NPAS2: variants seen among roughly 807,000 people sequenced by gnomAD.
NPAS2 encodes neuronal PAS domain protein 2.
Under a neutral mutation model 107.5 loss-of-function variants are expected in NPAS2, and 23 were observed. The ratio of observed to expected loss-of-function variants is 0.21; its 90% CI spans 0.15 to 0.30. The LOEUF (loss-of-function observed/expected upper bound fraction) is 0.30, where lower values mean the gene tolerates loss of function less well. Ranked by LOEUF, NPAS2 falls within the 10% of genes least tolerant of loss-of-function variation. The probability of loss-of-function intolerance (pLI) is 1.00; values close to 1 mark genes in which losing one functional copy is unlikely to be tolerated. For missense variants in NPAS2, 756 were observed against 1,043.3 expected (o/e 0.72, Z 3.79); for synonymous variants, 403 against 417.5 (o/e 0.97, Z 0.42).
At chr2:100,909,266 T>C (rs1466077942) in intron 2 of NPAS2, among the ~76,000 whole-genome samples, 1 of 152,174 alleles carries the variant, frequency 6.6e-6, no homozygotes, top group African/African-American at 2.4e-5. Context: ...TAGAGATGCA[T>C]TCATGAAAAT....
chr2:100,943,393 C>G (rs1206510397), intron 5 of NPAS2, among the ~76,000 whole-genome samples: 2 of 152,170 alleles, frequency 1.3e-5, no homozygotes, highest in African/African-American at 2.4e-5. Context: ...TGGGTTTTTT[C>G]TTGCAATTAT....
In NPAS2 at chr2:100,937,855, T is replaced by C; in HGVS notation, c.363+13T>C. On this transcript the variant is annotated intron_variant, in intron 5 of 20. Coordinates refer to ENST00000335681, the MANE Select transcript of NPAS2 (RefSeq NM_002518.4). ...TGGGCATTTACCGGTGAGTTTCCAC[T>C]CCAATGGCCTTTACCGGTTCACGTT... The C allele has an allele frequency of 6.4e-7, 1 of 1,570,020 alleles. No homozygotes were observed.
chr2:100,889,409 G>A (rs2104685078), intron 1 of NPAS2, among the ~76,000 whole-genome samples: 1 of 152,336 alleles, frequency 6.6e-6, no homozygotes, highest in Non-Finnish European at 1.5e-5. Context: ...GGCTCTTCTA[G>A]CACAGGCAGA....
chr2:100,971,353 A>C (rs1465899937), intron 12 of NPAS2, among the ~76,000 whole-genome samples: 1 of 149,876 alleles, frequency 6.7e-6, no homozygotes, highest in Non-Finnish European at 1.5e-5. Context: ...CAGCCCCTGG[A>C]CTCAAAGCAC....
chr2:100,869,724 T>A (rs553744401), intron 1 of NPAS2, among the ~76,000 whole-genome samples: 1 of 152,198 alleles, frequency 6.6e-6, no homozygotes, highest in East Asian at 1.9e-4. Context: ...AAGGGTCTCT[T>A]CTTAGGCATA....
chr2:100,846,495 G>A (rs7578071), intron 1 of NPAS2, among the ~76,000 whole-genome samples: 119,457 of 152,116 alleles, frequency 0.79, 47,641 homozygotes, highest in African/African-American at 0.91. Flanking sequence ...TTAAAAGAGT[G>A]TTTTTTTCTC....
chr2:100,995,869 C>T lies in NPAS2; in HGVS notation c.*287C>T, dbSNP rs1366761326. ...GTGTAGGCATCGTCGGTCGGTTTGC[C>T]GTCAGAGATGGCGCATCTCGCTGCA... is the stretch of plus-strand genomic sequence containing the variant. On this transcript the variant is annotated 3_prime_UTR_variant, in exon 21 of 21. Transcript: ENST00000335681. 12 of 1,494,288 alleles carry T rather than the reference C, an allele frequency of 8.0e-6. No individual in the cohort carries two copies. Among genetic ancestry groups the T allele is most frequent in the Non-Finnish European group, 1.1e-5 (12 of 1,112,912 alleles). 92.6% of individuals were successfully genotyped at this position (1,494,288 alleles called of 1,614,324 possible).
chr2:100,828,747 T>C (rs1457115258), intron 1 of NPAS2, among the ~76,000 whole-genome samples: 2 of 152,200 alleles, frequency 1.3e-5, no homozygotes, highest in Non-Finnish European at 2.9e-5. Context: ...TCTATTCCAT[T>C]GGTATATGTG....
chr2:100,936,432 A>G (rs892661190), intron 4 of NPAS2, among the ~76,000 whole-genome samples: 1 of 152,206 alleles, frequency 6.6e-6, no homozygotes, highest in Non-Finnish European at 1.5e-5. Flanking sequence ...AGAAAAAGTC[A>G]GTGAACCGAC....
chr2:100,992,588 T>G (rs2105327621), intron 19 of NPAS2, among the ~76,000 whole-genome samples: 1 of 152,308 alleles, frequency 6.6e-6, no homozygotes, highest in Non-Finnish European at 1.5e-5. Context: ...CCATGTGAAG[T>G]TACTTCCTGG....
chr2:100,920,821 GCT>G (rs937641641), intron 2 of NPAS2, among the ~76,000 whole-genome samples: 1 of 152,212 alleles, frequency 6.6e-6, no homozygotes, highest in African/African-American at 2.4e-5. Flanking sequence ...GCACAATCCT[GCT>G]CTCTCCAGAA....
At chr2:100,896,699 C>T (rs1241591880) in intron 1 of NPAS2, among the ~76,000 whole-genome samples, 1 of 152,144 alleles carries the variant, frequency 6.6e-6, no homozygotes, top group Non-Finnish European at 1.5e-5. Flanking sequence ...TTCAAATGTA[C>T]TTTGTAAGCA....
chr2:100,936,335 A>C (rs1212944047), intron 4 of NPAS2, among the ~76,000 whole-genome samples: 1 of 152,258 alleles, frequency 6.6e-6, no homozygotes, highest in Non-Finnish European at 1.5e-5. Flanking sequence ...AGTTGAGTGC[A>C]TGCAACATGT....
At chr2:100,979,172 G>C (rs1677241924) in intron 15 of NPAS2, among the ~76,000 whole-genome samples, 2 of 151,936 alleles carry the variant, frequency 1.3e-5, no homozygotes, top group Admixed American at 1.3e-4. Flanking sequence ...CTTGAAGATT[G>C]GTGTAAAAAA....
chr2:100,888,977 TTTCTC>T (rs746052629), intron 1 of NPAS2, among the ~76,000 whole-genome samples: 10 of 152,222 alleles, frequency 6.6e-5, no homozygotes, highest in Non-Finnish European at 1.3e-4. Context: ...GTACTTCTCT[TTTCTC>T]TTGCAGTTTC....
intron 1 of NPAS2, among the ~76,000 whole-genome samples, chr2:100,869,822 G>A (rs1679460936): frequency 6.6e-6 from 1 of 151,414 alleles, no homozygotes; most frequent in Admixed American, 6.6e-5. Context: ...CTCCCCTCCT[G>A]TGAGCATGCT....
At chr2:100,828,780 G>A (rs900124744) in intron 1 of NPAS2, among the ~76,000 whole-genome samples, 1 of 152,154 alleles carries the variant, frequency 6.6e-6, no homozygotes, top group Non-Finnish European at 1.5e-5. Context: ...CCAGTACCAT[G>A]CTGTTTTGGT....
chr2:100,819,388 G>T (rs1675912837), upstream of NPAS2, among the ~76,000 whole-genome samples: 2 of 152,244 alleles, frequency 1.3e-5, no homozygotes, highest in South Asian at 4.1e-4. This position sits in a 1 kb window ranked among gnomAD's most constrained non-coding sequence, Gnocchi z 5.8. Flanking sequence ...GTTCGCCTTA[G>T]GACAGGCACT....
Position 100,968,155 on chromosome 2 carries a change from C to A in NPAS2, c.908-126C>A. On this transcript the variant is annotated intron_variant, in intron 10 of 20. Coordinates refer to ENST00000335681, the MANE Select transcript of NPAS2 (RefSeq NM_002518.4). The surrounding 1 kb of genome is among the most constrained non-coding windows in gnomAD (Gnocchi z 5.3). ...GACAGTCACTTAAAATACAGGGCAA[C>A]CGGGGAAACAAGCCATGTTTGGTAT... The A allele has an allele frequency of 1.0e-6, 1 of 969,308 alleles. No homozygotes were observed. Among genetic ancestry groups the A allele is most frequent in the Non-Finnish European group, 1.6e-6 (1 of 641,984 alleles). 60.0% of individuals were successfully genotyped at this position (969,308 alleles called of 1,614,324 possible).
Sources: allele counts gnomAD v4.1 joint callset (sites outside exome capture counted in the v4.1 genomes callset), GRCh38; gene constraint gnomAD v4.1.1; non-coding constraint Gnocchi (gnomAD v3.1); transcripts MANE v1.5; gene names NCBI Gene and HGNC (gene_info 2026-07-23, HGNC 2026-07-21).